Variants in ABCB4 observed in about 807,000 individuals in gnomAD.
ABCB4 encodes phosphatidylcholine translocator ABCB4.
Under a neutral mutation model 145.7 loss-of-function variants are expected in ABCB4, and 76 were observed. That is an observed-to-expected ratio of 0.52 (90% CI 0.43 to 0.63). ABCB4 has a LOEUF of 0.63. Among genes scored for constraint, ABCB4 ranks in the 30% least tolerant of loss-of-function variants. ABCB4 has a pLI of 0.00. For missense variants in ABCB4, 1,234 were observed against 1,553.1 expected (o/e 0.79, Z 3.45); for synonymous variants, 517 against 566.8 (o/e 0.91, Z 1.25).
intron 14 of ABCB4, among the ~76,000 whole-genome samples, chr7:87,436,081 G>T (rs1810586784): frequency 6.6e-6 from 1 of 152,188 alleles, no homozygotes; most frequent in African/African-American, 2.4e-5. Flanking sequence ...CTATAGGAGA[G>T]ACAAGTGGAT....
chr7:87,370,036 T>G, the ABCB4 span, among the ~76,000 whole-genome samples: 2 of 152,096 alleles, frequency 1.3e-5, no homozygotes, highest in East Asian at 3.9e-4. Flanking sequence ...CTATACCTCT[T>G]TTACCTTTTC....
the ABCB4 span, chr7:87,391,844 G>C: frequency 5.6e-6 from 5 of 891,798 alleles, no homozygotes; most frequent in Admixed American, 6.7e-5. Context: ...TCTTTTCTGA[G>C]GTTTTTAAAG....
Position 87,472,634 on chromosome 7 carries a change from C to G in ABCB4, c.122G>C (p.Gly41Ala), listed in dbSNP as rs2116986462. ...RKKTKTVKMI[G>A]VLTLFRYSDW... is the part of the protein sequence containing the mutation. ...TTCACAGCTTACCAATGTTAATACT[C>G]CAATCATTTTCACTGTCTTCGTTTT... Residue 41 changes from glycine (G) to alanine (A), a missense_variant, in exon 3 of 28, where the codon GGA (glycine) becomes GCA (alanine). Transcript: ENST00000649586. 2 of 1,609,130 alleles carry G rather than the reference C, an allele frequency of 1.2e-6. No individual in the cohort carries two copies. The highest frequency in any genetic ancestry group is 1.7e-6 in the Non-Finnish European group (2 of 1,175,712).
the ABCB4 span, among the ~76,000 whole-genome samples, chr7:87,374,353 C>T: frequency 6.6e-6 from 1 of 151,912 alleles, no homozygotes; most frequent in Non-Finnish European, 1.5e-5. Context: ...GTAATTTCTC[C>T]CTAATAATGA....
At chr7:87,423,064 T>A (rs957552080) in intron 17 of ABCB4, among the ~76,000 whole-genome samples, 1 of 152,220 alleles carries the variant, frequency 6.6e-6, no homozygotes, top group Non-Finnish European at 1.5e-5. Flanking sequence ...ATTTATTTAT[T>A]TTTTGGCTTG....
chr7:87,388,798 C>T, the ABCB4 span, among the ~76,000 whole-genome samples: 1 of 152,160 alleles, frequency 6.6e-6, no homozygotes, highest in Non-Finnish European at 1.5e-5. Flanking sequence ...AACTAAAGAG[C>T]TTCTGCACAG....
chr7:87,393,129 T>C, the ABCB4 span: 3 of 1,526,268 alleles, frequency 2.0e-6, no homozygotes, highest in Admixed American at 4.0e-5. Flanking sequence ...ACTTTTGTTT[T>C]TAAATGCCTT....
At chr7:87,382,000 T>G in the ABCB4 span, 1 of 1,596,068 alleles carries the variant, frequency 6.3e-7, no homozygotes, top group Middle Eastern at 1.7e-4. Flanking sequence ...GAAGGTATGT[T>G]TGAATAAATA....
intron 3 of ABCB4, among the ~76,000 whole-genome samples, chr7:87,468,078 A>G (rs966885654): frequency 6.6e-6 from 1 of 152,230 alleles, no homozygotes; most frequent in Non-Finnish European, 1.5e-5. Flanking sequence ...AGACATAAAA[A>G]ACCCTTCAAA....
chr7:87,374,881 T>C, the ABCB4 span, among the ~76,000 whole-genome samples: 1 of 151,876 alleles, frequency 6.6e-6, no homozygotes. Context: ...TGAGAAATCC[T>C]TGAAAGCTTT....
At chr7:87,472,509 T>C in intron 3 of ABCB4, 112 bp downstream of exon 3, 1 of 963,742 alleles carries the variant, frequency 1.0e-6, no homozygotes, top group Non-Finnish European at 1.6e-6. Context: ...CAAGTATGAG[T>C]CAGCTCGCCT....
intron 17 of ABCB4, among the ~76,000 whole-genome samples, chr7:87,422,585 T>C (rs1242409072): frequency 1.3e-5 from 2 of 152,160 alleles, no homozygotes; most frequent in African/African-American, 2.4e-5. Flanking sequence ...GTTGTTAACA[T>C]AGGTTGACAT....
the ABCB4 span, chr7:87,375,741 T>A: frequency 6.2e-7 from 1 of 1,612,954 alleles, no homozygotes; most frequent in Admixed American, 1.7e-5. Flanking sequence ...GATTTACACT[T>A]TTCTTAACGA....
chr7:87,366,943 GT>G, the ABCB4 span, among the ~76,000 whole-genome samples: 2 of 152,162 alleles, frequency 1.3e-5, no homozygotes, highest in Non-Finnish European at 2.9e-5. Context: ...AGAGAAGACT[GT>G]TTTATGCCTT....
intron 19 of ABCB4, among the ~76,000 whole-genome samples, chr7:87,418,980 G>A (rs549489048): frequency 6.6e-6 from 1 of 152,312 alleles, no homozygotes; most frequent in African/African-American, 2.4e-5. Context: ...CTCTCATAAA[G>A]GGTGGTGGAG....
chr7:87,413,409 T>G (rs1808758628), intron 22 of ABCB4, among the ~76,000 whole-genome samples: 1 of 152,246 alleles, frequency 6.6e-6, no homozygotes, highest in Non-Finnish European at 1.5e-5. Context: ...GACCTATTCT[T>G]GTTGTTTGCA....
At position 87,403,260 on chromosome 7, in the gene ABCB4, C is replaced by T. The variant is rs754998686; in HGVS notation, c.3508G>A (p.Asp1170Asn). The change falls in exon 27 of 28, where the codon GAT becomes AAT. Residue 1170 changes from aspartate (D) to asparagine (N), a missense_variant. By Grantham distance (23) the Asp-to-Asn change is conservative (BLOSUM62 1). This residue lies in a region of ABCB4 where 301 missense variants were observed against 389.0 expected (regional missense o/e 0.77). Coordinates refer to ENST00000649586, the MANE Select transcript of ABCB4 (RefSeq NM_000443.4). ...CCTCCTGAGAGCTGAGTCCCCTTAT[C>T]TCCCACTCTTGTTTCATATTTCTGC... ...LPHKYETRVG[D>N]KGTQLSGGQK... 12 of 1,613,742 alleles carry T rather than the reference C, an allele frequency of 7.4e-6. No individual in the cohort carries two copies. In the African/African-American group the frequency reaches 1.6e-4, roughly 22 times the overall value.
At chr7:87,373,350 G>A in the ABCB4 span, among the ~76,000 whole-genome samples, 1 of 151,824 alleles carries the variant, frequency 6.6e-6, no homozygotes, top group African/African-American at 2.4e-5. Flanking sequence ...TATATAATTT[G>A]CAAATTATAT....
intron 14 of ABCB4, among the ~76,000 whole-genome samples, chr7:87,435,343 T>C (rs1810536983): frequency 6.6e-6 from 1 of 152,234 alleles, no homozygotes; most frequent in African/African-American, 2.4e-5. Flanking sequence ...ACAAACACTT[T>C]GCAGCTTCTC....
Sources: allele counts gnomAD v4.1 joint callset (sites outside exome capture counted in the v4.1 genomes callset), GRCh38; gene constraint gnomAD v4.1.1; regional missense constraint gnomAD v4.1.1; transcripts MANE v1.5; gene names NCBI Gene and HGNC (gene_info 2026-07-23, HGNC 2026-07-21).